Variants in GALM observed in about 807,000 individuals in gnomAD.
GALM encodes the protein aldose 1-epimerase.
A neutral mutation model predicts 37.4 loss-of-function variants in GALM; 43 were observed. The observed-to-expected ratio is 1.15, with a 90% CI of 0.90 to 1.48. The LOEUF is 1.48. Ranked by LOEUF, GALM falls within the 40% of genes most tolerant of loss-of-function variation. The pLI, the probability that GALM is intolerant of heterozygous loss-of-function variation, is 0.00. For missense variants in GALM, 456 were observed against 419.1 expected, an observed-to-expected ratio of 1.09 and a Z score of -0.77; for synonymous variants, 199 against 170.6, an observed-to-expected ratio of 1.17 and a Z score of -1.30.
intron 3 of GALM, among the ~76,000 whole-genome samples, chr2:38,687,712 G>GA (rs79038557): frequency 4.1e-3 from 542 of 132,750 alleles, no homozygotes; most frequent in Non-Finnish European, 6.4e-3. Context: ...CTCTGCCTCC[G>GA]AAAAAAAAAA....
intron 4 of GALM, among the ~76,000 whole-genome samples, chr2:38,711,867 C>T (rs1306718612): frequency 6.8e-6 from 1 of 146,768 alleles, no homozygotes; most frequent in African/African-American, 2.5e-5. Context: ...TCATCATCAT[C>T]ATCAACATCA....
At chr2:38,697,564 G>T (rs1449634777) in intron 4 of GALM, among the ~76,000 whole-genome samples, 1 of 152,054 alleles carries the variant, frequency 6.6e-6, no homozygotes, top group African/African-American at 2.4e-5. Flanking sequence ...ACAGACACTC[G>T]GTAAATAATT....
intron 4 of GALM, among the ~76,000 whole-genome samples, chr2:38,716,940 C>A (rs1666280455): frequency 6.6e-6 from 1 of 152,152 alleles, no homozygotes; most frequent in Admixed American, 6.6e-5. Flanking sequence ...AATGCACCTT[C>A]CTTTTTGCAT....
chr2:38,669,357 G>T (rs544989751), intron 1 of GALM: 2 of 152,350 alleles, frequency 1.3e-5, no homozygotes, highest in South Asian at 4.1e-4. Flanking sequence ...GCAGCCCCCA[G>T]TCAGGTACCC....
chr2:38,670,055 G>A (rs1665052843), intron 1 of GALM, among the ~76,000 whole-genome samples: 1 of 151,840 alleles, frequency 6.6e-6, no homozygotes, highest in Admixed American at 6.6e-5. Context: ...TAGAGACGGG[G>A]TTTCACCATA....
At chr2:38,731,516 C>G (rs1666609884) in intron 5 of GALM, among the ~76,000 whole-genome samples, 1 of 151,922 alleles carries the variant, frequency 6.6e-6, no homozygotes, top group Admixed American at 6.6e-5. Context: ...TTGTGATGCC[C>G]CAAAGAAGCT....
intron 3 of GALM, among the ~76,000 whole-genome samples, chr2:38,686,957 T>G (rs1002945845): frequency 1.3e-5 from 2 of 152,138 alleles, no homozygotes; most frequent in African/African-American, 4.8e-5. Context: ...TCCACCTGGG[T>G]TCTCTTTTTC....
intron 4 of GALM, among the ~76,000 whole-genome samples, chr2:38,708,537 C>T (rs12623669): frequency 6.6e-6 from 1 of 151,852 alleles, no homozygotes; most frequent in African/African-American, 2.4e-5. Context: ...GTCAGGAGAG[C>T]GAGACCATCC....
At chr2:38,675,544 TGTGTGTG>T (rs1665236086) in intron 1 of GALM, among the ~76,000 whole-genome samples, 33 of 54,718 alleles carry the variant, frequency 6.0e-4, no homozygotes, top group African/African-American at 2.6e-3. Flanking sequence ...TTTTTTTTTT[TGTGTGTG>T]TGTGTGTGTG....
chr2:38,725,395 G>A (rs1012088811), intron 4 of GALM, among the ~76,000 whole-genome samples: 6 of 151,760 alleles, frequency 4.0e-5, no homozygotes, highest in African/African-American at 4.8e-5. Context: ...AATTAGCCAG[G>A]GGTGCTGGTA....
chr2:38,681,922 G>A (rs1484731077), intron 3 of GALM, among the ~76,000 whole-genome samples: 2 of 152,240 alleles, frequency 1.3e-5, no homozygotes, highest in East Asian at 3.8e-4. Flanking sequence ...GAGCCTGCCA[G>A]CTCCTCCCAG....
chr2:38,734,631 G>A lies in GALM; in HGVS notation c.*1066G>A, dbSNP rs1666671503. On this transcript the variant is annotated 3_prime_UTR_variant, in exon 7 of 7. Transcript: ENST00000272252. ...GACAGAGATTGTATGTGACAAGGCT[G>A]GGGCTCCTTCTTTCCTAGACAATCA... 6.6e-6 allele frequency: 1 copy of A among 151,590 alleles called. No homozygotes were observed. Among genetic ancestry groups the A allele is most frequent in the Admixed American group, 6.6e-5 (1 of 15,198 alleles). 9.4% of individuals were successfully genotyped at this position (151,590 alleles called of 1,614,324 possible).
chr2:38,686,120 C>T (rs899241040), intron 3 of GALM, among the ~76,000 whole-genome samples: 2 of 151,590 alleles, frequency 1.3e-5, no homozygotes, highest in African/African-American at 4.9e-5. Context: ...TCCTCCTAGG[C>T]TTCTTCCTAA....
At chr2:38,733,406 A>T in intron 6 of GALM, 82 bp from the exon 7 acceptor site, 1 of 1,131,770 alleles carries the variant, frequency 8.8e-7, no homozygotes, top group Non-Finnish European at 1.3e-6. Context: ...ACTGGTCTAG[A>T]AGCCCGTCCA....
At chr2:38,698,484 C>T (rs1183903105) in intron 4 of GALM, 35 of 935,744 alleles carry the variant, frequency 3.7e-5, no homozygotes, top group South Asian at 1.4e-4. Flanking sequence ...TTTAGCTCTG[C>T]GTCTTCAGAG....
In GALM at chr2:38,704,213, T is replaced by C. The variant is rs372363363; in HGVS notation, c.634+14319T>C. On this transcript the variant is annotated intron_variant, in intron 4 of 6. Coordinates refer to ENST00000272252, the MANE Select transcript of GALM (RefSeq NM_138801.3). ...TTTTTATTATTTTATTATTTTTTTTTTTAGAGACAGGGTCTCACTCTGTTA... is the reference window on the plus strand; with the variant it reads ...TTTTTATTATTTTATTATTTTTTTTCTTAGAGACAGGGTCTCACTCTGTTA... Among the ~76,000 whole-genome samples, 31 of 151,800 alleles carry C rather than the reference T, an allele frequency of 2.0e-4. No homozygotes were observed. The East Asian group carries it at 4.8e-3, about 24-fold the overall frequency.
intron 2 of GALM, among the ~76,000 whole-genome samples, chr2:38,677,587 G>T (rs561788520): frequency 2.2e-4 from 33 of 152,342 alleles, no homozygotes; most frequent in African/African-American, 7.9e-4. Context: ...GGGATCTTCA[G>T]AGGAGCCTTA....
In GALM at chr2:38,718,049, C is replaced by T. The variant is rs1198937240; in HGVS notation, c.635-11507C>T. Among the ~76,000 whole-genome samples the T allele has an allele frequency of 6.6e-5, 10 of 151,686 alleles. 3 individuals are homozygous for T. The East Asian group carries it at 2.0e-3, about 30-fold the overall frequency. ...CGGGGATCCTGCTATGTTGCCCAGG[C>T]TGGTCTCGAACTCCTGGGCTCAAGA... On this transcript the variant is annotated intron_variant, in intron 4 of 6. Coordinates refer to ENST00000272252, the MANE Select transcript of GALM (RefSeq NM_138801.3).
chr2:38,729,877 A>T (rs1666564286), intron 5 of GALM, among the ~76,000 whole-genome samples, 180 bp downstream of exon 5: 1 of 152,056 alleles, frequency 6.6e-6, no homozygotes, highest in Non-Finnish European at 1.5e-5. Context: ...AATTTATCCC[A>T]GTCCCCCACC....
Sources: gnomAD v4.1 joint callset for allele counts (sites outside exome capture counted in the v4.1 genomes callset) on GRCh38, gnomAD v4.1.1 for gene constraint, MANE v1.5 for transcripts, NCBI Gene and HGNC (gene_info 2026-07-23, HGNC 2026-07-21) for gene names.